Variants in CAP2 observed in about 807,000 individuals in gnomAD.
CAP2 encodes the protein cyclase associated actin cytoskeleton regulatory protein 2.
Under a neutral mutation model 57.7 loss-of-function variants are expected in CAP2, and 24 were observed. That is an observed-to-expected ratio of 0.42 (90% CI 0.30 to 0.58). CAP2 has a LOEUF of 0.58. CAP2 is among the 20% of genes least tolerant of loss of function. The probability of loss-of-function intolerance (pLI) is 0.22; values close to 1 mark genes in which losing one functional copy is unlikely to be tolerated. For missense variants in CAP2, 501 were observed against 590.3 expected (o/e 0.85, Z 1.57); for synonymous variants, 194 against 207.2 (o/e 0.94, Z 0.55).
At chr6:17,479,388 T>C (rs530397013) in intron 4 of CAP2, among the ~76,000 whole-genome samples, 1 of 152,284 alleles carries the variant, frequency 6.6e-6, no homozygotes, top group Admixed American at 6.5e-5. Flanking sequence ...TGAGTCCTGA[T>C]GATGCCCTAA....
At chr6:17,542,217 G>A (rs1762922722) in intron 9 of CAP2, among the ~76,000 whole-genome samples, 1 of 152,146 alleles carries the variant, frequency 6.6e-6, no homozygotes, top group African/African-American at 2.4e-5. Context: ...ATGGAACTGG[G>A]AAGTCTGTGC....
In CAP2 at chr6:17,543,048, T is replaced by C; in HGVS notation, c.1127-13T>C. The C allele has an allele frequency of 6.2e-7, 1 of 1,613,840 alleles. No individual in the cohort carries two copies. The highest frequency in any genetic ancestry group is 1.1e-5 in the South Asian group (1 of 91,076). ...GTGGAGTTGGTTTTTTGTTGTGTTT[T>C]TTCTCCCCACAGACAACTGTAAAAA... On this transcript the variant is annotated splice_polypyrimidine_tract_variant and intron_variant, in intron 10 of 12. Coordinates refer to ENST00000229922, the MANE Select transcript of CAP2 (RefSeq NM_006366.3).
At chr6:17,442,301 C>A (rs886944960) in intron 3 of CAP2, among the ~76,000 whole-genome samples, 2 of 152,150 alleles carry the variant, frequency 1.3e-5, no homozygotes, top group African/African-American at 4.8e-5. Flanking sequence ...GTTCTTAATT[C>A]TCTGGGTCTT....
intron 2 of CAP2, among the ~76,000 whole-genome samples, chr6:17,423,092 G>A (rs541707847): frequency 6.6e-6 from 1 of 152,258 alleles, no homozygotes; most frequent in African/African-American, 2.4e-5. Context: ...ACTGAATCCT[G>A]TCAGGTTTTT....
chr6:17,478,630 C>T (rs1383087902), intron 4 of CAP2, among the ~76,000 whole-genome samples: 1 of 152,082 alleles, frequency 6.6e-6, no homozygotes, highest in Admixed American at 6.6e-5. Flanking sequence ...TTTAAAAAAA[C>T]CAAACCAAAC....
intron 7 of CAP2, among the ~76,000 whole-genome samples, chr6:17,532,932 G>A (rs749763615): frequency 9.9e-5 from 15 of 151,036 alleles, no homozygotes; most frequent in Non-Finnish European, 2.1e-4. Flanking sequence ...GGGCGTGGTG[G>A]TGCACTCCTG....
intron 6 of CAP2, among the ~76,000 whole-genome samples, chr6:17,512,581 A>G (rs1762184300): frequency 6.6e-6 from 1 of 152,196 alleles, no homozygotes; most frequent in Admixed American, 6.5e-5. Flanking sequence ...TGTGCTAGGC[A>G]CTGTACTAAG....
chr6:17,517,406 A>G (rs1464637948), intron 7 of CAP2, among the ~76,000 whole-genome samples: 1 of 152,286 alleles, frequency 6.6e-6, no homozygotes, highest in Non-Finnish European at 1.5e-5. Flanking sequence ...TATTAATTAC[A>G]GAAAAATATA....
intron 1 of CAP2, among the ~76,000 whole-genome samples, chr6:17,407,419 C>T (rs1328972801): frequency 6.6e-6 from 1 of 151,022 alleles, no homozygotes; most frequent in Non-Finnish European, 1.5e-5. Context: ...CTCAAGGTTG[C>T]AGTGAGCTAT....
chr6:17,489,250 G>A (rs1761492522), intron 4 of CAP2, among the ~76,000 whole-genome samples: 1 of 152,102 alleles, frequency 6.6e-6, no homozygotes, highest in African/African-American at 2.4e-5. Flanking sequence ...TGGTCAACAT[G>A]GTGAAACCCC....
At chr6:17,525,139 G>C (rs1419177634) in intron 7 of CAP2, among the ~76,000 whole-genome samples, 1 of 151,946 alleles carries the variant, frequency 6.6e-6, no homozygotes, top group Non-Finnish European at 1.5e-5. Flanking sequence ...CTAACCTCAG[G>C]TGATCCTCCC....
At chr6:17,526,120 CTTT>C (rs1372740605) in intron 7 of CAP2, among the ~76,000 whole-genome samples, 3 of 142,326 alleles carry the variant, frequency 2.1e-5, no homozygotes, top group Admixed American at 1.4e-4. Flanking sequence ...GAAAATGTGT[CTTT>C]TTTTTTTTTT....
chr6:17,481,483 G>C (rs1761284988), intron 4 of CAP2, among the ~76,000 whole-genome samples: 1 of 152,106 alleles, frequency 6.6e-6, no homozygotes, highest in African/African-American at 2.4e-5. Context: ...TTCATTATTT[G>C]TAATTATTAT....
intron 4 of CAP2, among the ~76,000 whole-genome samples, chr6:17,487,827 G>A (rs573361473): frequency 2.6e-5 from 4 of 152,136 alleles, no homozygotes; most frequent in Admixed American, 1.3e-4. Context: ...TACCTAGGCC[G>A]GAGTGCAGTG....
intron 8 of CAP2, 39 bp downstream of exon 8, chr6:17,539,497 C>A: frequency 6.6e-7 from 1 of 1,519,270 alleles, no homozygotes; most frequent in Non-Finnish European, 9.0e-7. Context: ...GCCTCCCTTT[C>A]CCTCTGGCTC....
chr6:17,519,981 C>T (rs1377935160), intron 7 of CAP2, among the ~76,000 whole-genome samples: 1 of 152,216 alleles, frequency 6.6e-6, no homozygotes, highest in African/African-American at 2.4e-5. Flanking sequence ...TTCTGAATTA[C>T]TTTAGCTTTG....
chr6:17,556,231 A>G, intron 12 of CAP2, 128 bp from the exon 13 acceptor site: 1 of 665,574 alleles, frequency 1.5e-6, no homozygotes. Context: ...CGCAGCTTGC[A>G]ATTCGATCGA....
chr6:17,449,968 C>T (rs1055385152), intron 3 of CAP2, among the ~76,000 whole-genome samples: 4 of 152,038 alleles, frequency 2.6e-5, no homozygotes, highest in African/African-American at 7.2e-5. Flanking sequence ...TTTAAAAATA[C>T]TTTGCCGTCT....
intron 3 of CAP2, among the ~76,000 whole-genome samples, chr6:17,461,429 G>A (rs991756058): frequency 2.0e-5 from 3 of 151,818 alleles, no homozygotes; most frequent in Non-Finnish European, 4.4e-5. Flanking sequence ...GTTTCACCAT[G>A]TTGGCCAATC....
Sources: gnomAD v4.1 joint callset for allele counts (sites outside exome capture counted in the v4.1 genomes callset) on GRCh38, gnomAD v4.1.1 for gene constraint, MANE v1.5 for transcripts, NCBI Gene and HGNC (gene_info 2026-07-23, HGNC 2026-07-21) for gene names.